E2F3: variants seen among roughly 807,000 people sequenced by gnomAD.
The protein encoded by E2F3 is transcription factor E2F3.
E2F3 carries 11 observed loss-of-function variants against 44.4 expected under a neutral mutation model. The observed-to-expected ratio is 0.25, with a 90% CI of 0.16 to 0.41. E2F3 has a LOEUF of 0.41. Ranked by LOEUF, E2F3 falls within the 10% of genes least tolerant of loss-of-function variation. The pLI, the probability that E2F3 is intolerant of heterozygous loss-of-function variation, is 1.00. For synonymous variants in E2F3, 249 were observed against 253.0 expected, an observed-to-expected ratio of 0.98 and a Z score of 0.15; for missense variants, 487 against 583.6, an observed-to-expected ratio of 0.83 and a Z score of 1.70.
At chr6:20,458,297 G>A (rs1761382587) in intron 1 of E2F3, among the ~76,000 whole-genome samples, 1 of 152,140 alleles carries the variant, frequency 6.6e-6, no homozygotes, top group African/African-American at 2.4e-5. Flanking sequence ...TACTTTCATG[G>A]TTGTGTCGTT....
intron 1 of E2F3, among the ~76,000 whole-genome samples, chr6:20,429,422 C>T (rs930409287): frequency 2.6e-5 from 4 of 152,156 alleles, no homozygotes; most frequent in African/African-American, 7.2e-5. Context: ...TCCCCTTTGT[C>T]CGGTGTATTC....
chr6:20,437,859 A>T (rs1053692379), intron 1 of E2F3: 2 of 152,240 alleles, frequency 1.3e-5, no homozygotes, highest in African/African-American at 4.8e-5. Flanking sequence ...GGTCTGGCAG[A>T]ACTGATGGAG....
chr6:20,444,154 A>G (rs1581607182), intron 1 of E2F3, among the ~76,000 whole-genome samples: 2 of 152,296 alleles, frequency 1.3e-5, no homozygotes, highest in Non-Finnish European at 2.9e-5. Flanking sequence ...GTGCCTCTAC[A>G]CTCTAGCCTG....
chr6:20,463,945 TG>T (rs1420260306), intron 1 of E2F3, among the ~76,000 whole-genome samples: 2 of 152,176 alleles, frequency 1.3e-5, no homozygotes, highest in Admixed American at 6.5e-5. Flanking sequence ...TTCTTGGGTT[TG>T]ATTAATTTGC....
chr6:20,449,013 G>A (rs1230052958), intron 1 of E2F3, among the ~76,000 whole-genome samples: 3 of 152,178 alleles, frequency 2.0e-5, no homozygotes, highest in Non-Finnish European at 2.9e-5. Flanking sequence ...AGTGGACTTT[G>A]CCATCCAATT....
chr6:20,464,852 A>G (rs1761649085), intron 1 of E2F3, among the ~76,000 whole-genome samples: 1 of 152,250 alleles, frequency 6.6e-6, no homozygotes, highest in Admixed American at 6.5e-5. Flanking sequence ...AGCCTTCATT[A>G]GGCCTTTACC....
intron 1 of E2F3, among the ~76,000 whole-genome samples, chr6:20,423,212 A>G (rs1760085477): frequency 6.6e-6 from 1 of 152,234 alleles, no homozygotes; most frequent in Non-Finnish European, 1.5e-5. Flanking sequence ...GACATCATAG[A>G]GAGTACTTAC....
At chr6:20,414,760 A>G (rs1281271325) in intron 1 of E2F3, among the ~76,000 whole-genome samples, 1 of 152,122 alleles carries the variant, frequency 6.6e-6, no homozygotes, top group Non-Finnish European at 1.5e-5. Context: ...AGACTTCCCA[A>G]TTCTGGGAAT....
At chr6:20,489,704 G>A (rs1214616148) in intron 6 of E2F3, among the ~76,000 whole-genome samples, 1 of 151,974 alleles carries the variant, frequency 6.6e-6, no homozygotes, top group Non-Finnish European at 1.5e-5. Flanking sequence ...GCCAGGCATG[G>A]TGGCTCACAC....
chr6:20,428,474 C>T (rs1164109810), intron 1 of E2F3, among the ~76,000 whole-genome samples: 3 of 152,248 alleles, frequency 2.0e-5, no homozygotes, highest in Non-Finnish European at 4.4e-5. Context: ...CCACCTGCCT[C>T]GGCCTCCCAA....
At chr6:20,429,624 A>G (rs962289338) in intron 1 of E2F3, among the ~76,000 whole-genome samples, 4 of 152,334 alleles carry the variant, frequency 2.6e-5, no homozygotes, top group Admixed American at 1.3e-4. Context: ...GAGAAGGACA[A>G]AGTTGGAGAG....
chr6:20,430,752 G>A (rs1037516814), intron 1 of E2F3, among the ~76,000 whole-genome samples: 2 of 152,178 alleles, frequency 1.3e-5, no homozygotes, highest in Admixed American at 6.5e-5. Flanking sequence ...TGCAATAGAG[G>A]GACATGTTGA....
intron 1 of E2F3, among the ~76,000 whole-genome samples, chr6:20,460,341 T>A (rs913503824): frequency 2.0e-5 from 3 of 152,212 alleles, no homozygotes; most frequent in African/African-American, 4.8e-5. Context: ...TTCTCCTCAC[T>A]TATGGACTTC....
At chr6:20,488,982 A>T (rs575440874) in intron 6 of E2F3, among the ~76,000 whole-genome samples, 1 of 151,822 alleles carries the variant, frequency 6.6e-6, no homozygotes, top group Non-Finnish European at 1.5e-5. Flanking sequence ...ACAGAGTGAG[A>T]CTCCATCTCA....
intron 1 of E2F3, among the ~76,000 whole-genome samples, chr6:20,442,579 G>A (rs935884702): frequency 2.6e-5 from 4 of 152,192 alleles, no homozygotes; most frequent in Admixed American, 2.6e-4. Context: ...AATTTGATAT[G>A]TTGTGTGTAT....
intron 1 of E2F3, among the ~76,000 whole-genome samples, chr6:20,472,188 A>G (rs750210611): frequency 6.6e-6 from 1 of 152,094 alleles, no homozygotes; most frequent in Non-Finnish European, 1.5e-5. Context: ...GACTGAGTGC[A>G]TGCCATATGC....
chr6:20,413,778 G>T (rs546868633), intron 1 of E2F3, among the ~76,000 whole-genome samples: 1 of 152,330 alleles, frequency 6.6e-6, no homozygotes, highest in Non-Finnish European at 1.5e-5. Context: ...GAGGACCAGA[G>T]CACACCATTT....
At chr6:20,444,968 A>G (rs1253918988) in intron 1 of E2F3, 1 of 564,462 alleles carries the variant, frequency 1.8e-6, no homozygotes, top group East Asian at 1.4e-4. Flanking sequence ...TAGGCCTTGC[A>G]CTGTCCCTGT....
chr6:20,437,827 C>T (rs1760642424), intron 1 of E2F3: 1 of 152,162 alleles, frequency 6.6e-6, no homozygotes, highest in South Asian at 2.1e-4. Context: ...GAAGCAGAGT[C>T]CAAGAGAAAT....
Sources: gnomAD v4.1 joint callset for allele counts (sites outside exome capture counted in the v4.1 genomes callset) on GRCh38, gnomAD v4.1.1 for gene constraint, MANE v1.5 for transcripts, NCBI Gene and HGNC (gene_info 2026-07-23, HGNC 2026-07-21) for gene names.